ENPP2: variants seen among roughly 807,000 people sequenced by gnomAD.
ENPP2 encodes autotaxin.
A neutral mutation model predicts 120.2 loss-of-function variants in ENPP2; 51 were observed. That is an observed-to-expected ratio of 0.42 (90% confidence interval 0.34 to 0.54). The LOEUF (loss-of-function observed/expected upper bound fraction) is 0.54, where lower values mean the gene tolerates loss of function less well. Among genes scored for constraint, ENPP2 ranks in the 20% least tolerant of loss-of-function variants. The pLI, the probability that ENPP2 is intolerant of heterozygous loss-of-function variation, is 0.04. For synonymous variants in ENPP2, 365 were observed against 366.4 expected (o/e 1.00, Z 0.04); for missense variants, 920 against 1,066.5 (o/e 0.86, Z 1.91).
intron 9 of ENPP2, 77 bp downstream of exon 9, chr8:119,607,845 T>C (rs1162589268): frequency 2.2e-6 from 2 of 905,894 alleles, no homozygotes; most frequent in Non-Finnish European, 3.4e-6. Context: ...TGAAACAAAA[T>C]AAAACTTAAA....
intron 18 of ENPP2, chr8:119,580,513 C>A: frequency 4.1e-6 from 1 of 243,412 alleles, no homozygotes; most frequent in Non-Finnish European, 8.0e-6. Flanking sequence ...AGATTAATCT[C>A]TAGGCACACT....
chr8:119,566,643 T>C (rs1272034620), intron 22 of ENPP2, among the ~76,000 whole-genome samples: 3 of 152,164 alleles, frequency 2.0e-5, no homozygotes, highest in Non-Finnish European at 4.4e-5. Context: ...ACCCCCCTCG[T>C]GGAGAACAGC....
chr8:119,671,587 T>C (rs931211644), intron 1 of ENPP2, among the ~76,000 whole-genome samples: 25 of 152,102 alleles, frequency 1.6e-4, no homozygotes, highest in African/African-American at 5.6e-4. Flanking sequence ...ACTTGAGAAA[T>C]GCCATTTAAG....
chr8:119,564,507 G>A (rs1033528817), intron 23 of ENPP2, among the ~76,000 whole-genome samples: 3 of 151,786 alleles, frequency 2.0e-5, no homozygotes, highest in African/African-American at 4.8e-5. Context: ...GTGAAACCCC[G>A]TCTCTGCTAA....
chr8:119,638,725 C>A, intron 1 of ENPP2, 23 bp downstream of exon 1: 8 of 1,378,174 alleles, frequency 5.8e-6, no homozygotes, highest in Non-Finnish European at 7.3e-6. Flanking sequence ...AGCATGTCCC[C>A]CGTCATTCCT....
At chr8:119,650,469 T>C (rs779234656) in intron 1 of ENPP2, among the ~76,000 whole-genome samples, 3 of 152,162 alleles carry the variant, frequency 2.0e-5, no homozygotes, top group Non-Finnish European at 4.4e-5. Context: ...GTGAATTGTA[T>C]AATATATAAA....
chr8:119,577,789 T>G (rs1812446367), intron 19 of ENPP2, among the ~76,000 whole-genome samples: 1 of 152,174 alleles, frequency 6.6e-6, no homozygotes, highest in African/African-American at 2.4e-5. Flanking sequence ...CAGCCCAGTG[T>G]CAGTATTCAA....
At chr8:119,563,215 C>T (rs757291656) in intron 23 of ENPP2, among the ~76,000 whole-genome samples, 4 of 152,072 alleles carry the variant, frequency 2.6e-5, no homozygotes, top group Non-Finnish European at 5.9e-5. Context: ...CACTCCTCAA[C>T]CTGGCAGAGT....
At chr8:119,586,652 G>A (rs1368186742) in intron 14 of ENPP2, among the ~76,000 whole-genome samples, 1 of 152,070 alleles carries the variant, frequency 6.6e-6, no homozygotes, top group Non-Finnish European at 1.5e-5. Context: ...GGTGGGAGGG[G>A]AGGAGCACAT....
chr8:119,591,012 A>C (rs1305369251), intron 12 of ENPP2, among the ~76,000 whole-genome samples: 3 of 151,440 alleles, frequency 2.0e-5, no homozygotes, highest in African/African-American at 4.9e-5. Flanking sequence ...AAAAAAAAAA[A>C]AAAACCCTAG....
chr8:119,557,360 A>G lies in ENPP2; in HGVS notation c.*161T>C, dbSNP rs952382097. The G allele has an allele frequency of 4.8e-5, 28 of 582,056 alleles. No individual in the cohort carries two copies. The highest frequency in any genetic ancestry group is 7.3e-5 in the Non-Finnish European group (25 of 342,518). 36.1% of individuals were successfully genotyped at this position (582,056 alleles called of 1,614,324 possible). A position where few individuals can be genotyped will look rare whatever the true frequency, so the allele number is the denominator to read the frequency against. On this transcript the variant is annotated 3_prime_UTR_variant, in exon 25 of 25. Transcript: ENST00000075322. ...GAACACAAGGCTACCTAAATCAAGC[A>G]TTAGAGAAAAACAGTGGAGTCATTC...
At chr8:119,639,673 T>C (rs1215558456), upstream of ENPP2, among the ~76,000 whole-genome samples, 3 of 152,152 alleles carry the variant, frequency 2.0e-5, no homozygotes, top group Non-Finnish European at 4.4e-5. Flanking sequence ...GGAAGCTTTA[T>C]TAGCAATTGA....
upstream of ENPP2, among the ~76,000 whole-genome samples, chr8:119,639,983 G>C (rs1291800335): frequency 6.6e-6 from 1 of 152,138 alleles, no homozygotes; most frequent in African/African-American, 2.4e-5. Flanking sequence ...CAGCACATGT[G>C]TTCGTGCGTA....
chr8:119,617,018 G>A, intron 7 of ENPP2, 146 bp downstream of exon 7: 2 of 624,258 alleles, frequency 3.2e-6, no homozygotes, highest in Non-Finnish European at 5.7e-6. Flanking sequence ...GGCATTTGCT[G>A]TGAACAAATG....
intron 8 of ENPP2, 73 bp from the exon 9 acceptor site, chr8:119,608,050 C>A (rs1166040589): frequency 1.0e-6 from 1 of 984,730 alleles, no homozygotes; most frequent in Non-Finnish European, 1.6e-6. Flanking sequence ...TTTTAAAATA[C>A]ATTAGATCAG....
At chr8:119,638,851 C>G (rs376855265), upstream of ENPP2, 28 of 1,609,712 alleles carry the variant, frequency 1.7e-5, no homozygotes, top group Non-Finnish European at 2.3e-5. Context: ...CTTTGAGGCT[C>G]TGGGTTTAGT....
chr8:119,597,297 A>T (rs1264245211), intron 11 of ENPP2, among the ~76,000 whole-genome samples: 4 of 152,210 alleles, frequency 2.6e-5, no homozygotes, highest in Non-Finnish European at 1.5e-5. Context: ...CACTGAATAC[A>T]TTCTGCTAGC....
intron 1 of ENPP2, among the ~76,000 whole-genome samples, chr8:119,660,694 G>A (rs1054428448): frequency 6.6e-6 from 1 of 152,180 alleles, no homozygotes; most frequent in African/African-American, 2.4e-5. Flanking sequence ...CAGCTTCAAT[G>A]AGAGTTTTGA....
intron 1 of ENPP2, among the ~76,000 whole-genome samples, chr8:119,672,554 C>T (rs1818282118): frequency 1.3e-5 from 2 of 152,132 alleles, no homozygotes; most frequent in Admixed American, 1.3e-4. Flanking sequence ...ATTTCCAAGT[C>T]CAGATCTAAA....
Sources: allele counts gnomAD v4.1 joint callset (sites outside exome capture counted in the v4.1 genomes callset), GRCh38; gene constraint gnomAD v4.1.1; transcripts MANE v1.5; gene names NCBI Gene and HGNC (gene_info 2026-07-23, HGNC 2026-07-21).